RGS12: variants seen among roughly 807,000 people sequenced by gnomAD.
RGS12 encodes the protein regulator of G protein signaling 12, also known as regulator of G-protein signaling 12.
A neutral mutation model predicts 120.1 loss-of-function variants in RGS12; 66 were observed. The observed-to-expected ratio is 0.55, with a 90% CI of 0.45 to 0.67. The LOEUF is 0.67. RGS12 is among the 30% of genes least tolerant of loss of function. The probability of loss-of-function intolerance (pLI) is 0.00; values close to 1 mark genes in which losing one functional copy is unlikely to be tolerated. For synonymous variants in RGS12, 827 were observed against 804.7 expected (o/e 1.03, Z -0.47); for missense variants, 1,859 against 1,957.7 (o/e 0.95, Z 0.95).
At chr4:3,287,577 C>T in the RGS12 span, among the ~76,000 whole-genome samples, 2 of 152,174 alleles carry the variant, frequency 1.3e-5, no homozygotes, top group South Asian at 2.1e-4. Flanking sequence ...CCTGGCGGCC[C>T]GAGGAAGTTC....
At chr4:3,437,784 G>T (rs923845003) in intron 17 of RGS12, among the ~76,000 whole-genome samples, 14 of 152,214 alleles carry the variant, frequency 9.2e-5, no homozygotes, top group African/African-American at 3.4e-4. Flanking sequence ...CTGGGCTGCT[G>T]CGTCGAGGCC....
At chr4:3,362,739 G>C (rs1037101950) in intron 3 of RGS12, among the ~76,000 whole-genome samples, 1 of 126,136 alleles carries the variant, frequency 7.9e-6, no homozygotes, top group African/African-American at 3.3e-5. Flanking sequence ...GAGGATGTCT[G>C]TGTGAGGGTG....
At chr4:3,406,152 G>A (rs1163031022) in intron 4 of RGS12, among the ~76,000 whole-genome samples, 1 of 152,206 alleles carries the variant, frequency 6.6e-6, no homozygotes, top group Non-Finnish European at 1.5e-5. Context: ...TGAGGCCCAC[G>A]GGACTGTGGG....
At position 3,416,943 on chromosome 4, in the gene RGS12, A is replaced by T. The variant is rs1722465876; in HGVS notation, c.2458A>T (p.Thr820Ser). 1 of 1,609,010 alleles carries T rather than the reference A, an allele frequency of 6.2e-7. No homozygotes were observed. The highest frequency in any genetic ancestry group is 8.5e-7 in the Non-Finnish European group (1 of 1,176,210). The change falls in exon 8 of 18, where the codon ACT becomes TCT. Residue 820 changes from threonine to serine, a missense_variant. Physicochemically the swap from Thr to Ser is moderately conservative, Grantham distance 58. Transcript: ENST00000336727. ...CAATCTCATGAAGTTTGATAGCTAC[A>T]CTCGCTTTCTGAAGTCCCCGCTGTA... ...IFNLMKFDSYTRFLKSPLYQE... is the reference protein window; with the variant it reads ...IFNLMKFDSYSRFLKSPLYQE...
chr4:3,332,751 C>T (rs960915599), intron 2 of RGS12, among the ~76,000 whole-genome samples: 4 of 152,160 alleles, frequency 2.6e-5, no homozygotes, highest in Non-Finnish European at 4.4e-5. Context: ...GTCCCTGCCC[C>T]GGGCATGACT....
chr4:3,323,019 G>T (rs1005956225), intron 2 of RGS12, among the ~76,000 whole-genome samples: 7 of 152,208 alleles, frequency 4.6e-5, no homozygotes, highest in African/African-American at 1.7e-4. Context: ...TGAGATAGTG[G>T]TACCTGCATC....
chr4:3,308,240 G>T (rs576619150), intron 1 of RGS12, among the ~76,000 whole-genome samples: 2 of 152,352 alleles, frequency 1.3e-5, no homozygotes, highest in South Asian at 4.1e-4. Flanking sequence ...AGACAGGGCC[G>T]GTGCACTTCA....
intron 3 of RGS12, among the ~76,000 whole-genome samples, chr4:3,364,384 G>A (rs1417217867): frequency 1.3e-5 from 2 of 152,204 alleles, no homozygotes; most frequent in African/African-American, 2.4e-5. Flanking sequence ...CCCTGGCAGG[G>A]TGGGTGTATC....
rs780632548 is a variant in RGS12 at position 3,316,477 on chromosome 4, G to C, written c.307G>C (p.Glu103Gln). ...GATTGCTGAAGGCGTCGGCCGCTTCGAATCCTGTTCCAGTGATGAAGAAGG... is the reference window on the plus strand; with the variant it reads ...GATTGCTGAAGGCGTCGGCCGCTTCCAATCCTGTTCCAGTGATGAAGAAGG... ...MVIAEGVGRFESCSSDEEGGL... is the reference protein window; with the variant it reads ...MVIAEGVGRFQSCSSDEEGGL... Residue 103 changes from glutamate to glutamine, a missense_variant, in exon 2 of 18, where the codon GAA (glutamate) becomes CAA (glutamine). Physicochemically the swap from Glu to Gln is conservative, Grantham distance 29. Transcript: ENST00000336727. 1.2e-6 allele frequency: 2 copies of C among 1,614,118 alleles called. No individual in the cohort carries two copies. Among genetic ancestry groups the C allele is most frequent in the Admixed American group, 1.7e-5 (1 of 60,022 alleles).
At chr4:3,400,430 A>G (rs1720463146) in intron 4 of RGS12, among the ~76,000 whole-genome samples, 1 of 152,220 alleles carries the variant, frequency 6.6e-6, no homozygotes. Flanking sequence ...AACTAGGGAT[A>G]CATTGGTGAA....
rs143798784 is a variant in RGS12 at position 3,317,355 on chromosome 4, G to A, written c.1185G>A (p.Glu395=). Residue 395 remains glutamate, a synonymous_variant, in exon 2 of 18, where the codon GAG becomes GAA. Transcript: ENST00000336727. ...FISVLYRDMG[E]LIEGMRARAF... is the part of the protein sequence containing the mutation. ...CTGTCCTGTACCGAGACATGGGTGA[G>A]CTGATTGAGGGCATGCGGGCCCGCG... 3.7e-6 allele frequency: 6 copies of A among 1,614,014 alleles called. No individual in the cohort carries two copies. In the African/African-American group the frequency reaches 8.0e-5, roughly 22 times the overall value.
chr4:3,329,339 G>T (rs1711571055), intron 2 of RGS12, among the ~76,000 whole-genome samples: 1 of 152,180 alleles, frequency 6.6e-6, no homozygotes, highest in Non-Finnish European at 1.5e-5. Flanking sequence ...TAGAAGGTGG[G>T]AGTGGGGTCA....
intron 17 of RGS12, chr4:3,431,264 C>A (rs1016113405): frequency 8.9e-6 from 11 of 1,231,570 alleles, no homozygotes; most frequent in Non-Finnish European, 1.1e-5. Context: ...CTGGGTGAGG[C>A]CTGGGGGTTT....
rs539175121 is a variant in RGS12 at position 3,430,665 on chromosome 4, C to T, written c.3824C>T (p.Pro1275Leu). The change falls in exon 17 of 18, where the codon CCG (proline) becomes CTG (leucine). Residue 1275 changes from proline (P) to leucine (L), a missense_variant. Around this residue, in one of 3 missense-constraint regions of RGS12, gnomAD observed 517 missense variants for 488.5 expected, o/e 1.06. Transcript: ENST00000336727. ...AGCAGCGACAGCCCGTCCACCAGCC[C>T]GGGCTCAGCCTCCAGCCCCCCTGGA... ...QESSDSPSTS[P>L]GSASSPPGPP... is the part of the protein sequence containing the mutation. 148 of 1,589,116 alleles carry T rather than the reference C, an allele frequency of 9.3e-5. No homozygotes were observed. Among genetic ancestry groups the T allele is most frequent in the South Asian group, 2.3e-4 (20 of 88,092 alleles).
chr4:3,379,124 A>G (rs985905809), intron 3 of RGS12, among the ~76,000 whole-genome samples: 4 of 151,966 alleles, frequency 2.6e-5, no homozygotes, highest in East Asian at 1.9e-4. Context: ...GAAGCCAAAC[A>G]TGTGTGGCTT....
At chr4:3,411,322 G>A (rs1250654487) in intron 4 of RGS12, among the ~76,000 whole-genome samples, 1 of 152,124 alleles carries the variant, frequency 6.6e-6, no homozygotes, top group South Asian at 2.1e-4. Flanking sequence ...CGGGATTGTG[G>A]TCTGTGTGTG....
intron 3 of RGS12, among the ~76,000 whole-genome samples, chr4:3,373,504 C>T (rs1225620527): frequency 6.6e-6 from 1 of 152,230 alleles, no homozygotes; most frequent in Non-Finnish European, 1.5e-5. Context: ...CGCATTTCAC[C>T]GTGTCTCTTT....
At chr4:3,427,916 C>T (rs150201726) in intron 14 of RGS12, among the ~76,000 whole-genome samples, 174 bp from the exon 15 acceptor site, 27 of 152,258 alleles carry the variant, frequency 1.8e-4, no homozygotes, top group African/African-American at 6.5e-4. Context: ...GAGGACGGGC[C>T]CTCTCTCCTG....
At chr4:3,401,686 C>T (rs960399889) in intron 4 of RGS12, among the ~76,000 whole-genome samples, 2 of 152,268 alleles carry the variant, frequency 1.3e-5, no homozygotes, top group Non-Finnish European at 2.9e-5. Flanking sequence ...CGTGAACCGG[C>T]ACACTGTGGA....
Sources: gnomAD v4.1 joint callset for allele counts (sites outside exome capture counted in the v4.1 genomes callset) on GRCh38, gnomAD v4.1.1 for gene constraint, gnomAD v4.1.1 regional missense constraint, MANE v1.5 for transcripts, NCBI Gene and HGNC (gene_info 2026-07-23, HGNC 2026-07-21) for gene names.